MISFA: variants seen among roughly 807,000 people sequenced by gnomAD.
MISFA encodes mitochondrial sheath formation-associated protein.
chr11:18,606,671 A>G, the MISFA span: 6 of 404,598 alleles, frequency 1.5e-5, no homozygotes, highest in Non-Finnish European at 2.8e-5. Context: ...GTAGTCTAAT[A>G]TATTCAATAC....
chr11:18,603,251 C>G, the MISFA span: 1 of 398,902 alleles, frequency 2.5e-6, no homozygotes. Flanking sequence ...ATTCCCGCCC[C>G]CAAAACAAAC....
chr11:18,603,840 G>C, the MISFA span: 1 of 374,948 alleles, frequency 2.7e-6, no homozygotes, highest in Non-Finnish European at 4.7e-6. Flanking sequence ...CTGACCAGCT[G>C]TACAGTTCCT....
At chr11:18,603,075 G>C in the MISFA span, 4 of 398,842 alleles carry the variant, frequency 1.0e-5, no homozygotes, top group African/African-American at 8.2e-5. Flanking sequence ...CCTTCCAGAA[G>C]CACTTGTTTC....
chr11:18,604,564 G>A, the MISFA span, among the ~76,000 whole-genome samples: 1 of 151,986 alleles, frequency 6.6e-6, no homozygotes, highest in African/African-American at 2.4e-5. Flanking sequence ...GGGAGGCAGT[G>A]GTTGCAGTGA....
the MISFA span, chr11:18,608,105 A>C: frequency 6.6e-6 from 1 of 152,654 alleles, no homozygotes; most frequent in Non-Finnish European, 1.5e-5. Context: ...ACTACCCTTA[A>C]TTTCACTGAA....
chr11:18,608,459 C>G, the MISFA span: 3 of 152,172 alleles, frequency 2.0e-5, no homozygotes, highest in Admixed American at 2.0e-4. Flanking sequence ...ACTTCCTAAT[C>G]CCCCCCATAC....
chr11:18,604,035 C>T, the MISFA span: 14 of 266,108 alleles, frequency 5.3e-5, no homozygotes, highest in Non-Finnish European at 6.8e-5. Context: ...CATGCCATTC[C>T]CCTGCCTCAG....
chr11:18,603,674 C>T, the MISFA span: 4 of 398,208 alleles, frequency 1.0e-5, no homozygotes, highest in Non-Finnish European at 1.3e-5. Context: ...TGGAGGTAAC[C>T]TCCCCTGCCA....
the MISFA span, chr11:18,601,341 G>A: frequency 1.8e-4 from 72 of 397,716 alleles, no homozygotes; most frequent in South Asian, 8.7e-3. Flanking sequence ...GCAGGCCAAA[G>A]TTGTCTATTA....
At chr11:18,603,917 CTTTTTTTTT>C in the MISFA span, 20 of 52,992 alleles carry the variant, frequency 3.8e-4, no homozygotes, top group Non-Finnish European at 4.3e-4. Context: ...AGTTACCGCA[CTTTTTTTTT>C]TTTTTTTTTT....
the MISFA span, chr11:18,603,645 G>A: frequency 7.6e-6 from 3 of 397,310 alleles, no homozygotes; most frequent in Non-Finnish European, 1.3e-5. Context: ...GGGATCAGAG[G>A]CATTAGGTGA....
the MISFA span, chr11:18,609,739 G>A: frequency 1.3e-6 from 1 of 757,912 alleles, no homozygotes; most frequent in Non-Finnish European, 2.2e-6. Flanking sequence ...ATGACAGTAT[G>A]CATTCCTTCT....
At chr11:18,607,920 A>T in the MISFA span, 11 of 152,328 alleles carry the variant, frequency 7.2e-5, no homozygotes, top group African/African-American at 2.6e-4. Context: ...GTAAACTTTA[A>T]GCCACCAGAA....
At chr11:18,604,384 G>A in the MISFA span, among the ~76,000 whole-genome samples, 59 of 151,974 alleles carry the variant, frequency 3.9e-4, 2 homozygotes, top group Admixed American at 3.7e-3. Context: ...TGCCTGGCGC[G>A]ATGGCTCACA....
the MISFA span, among the ~76,000 whole-genome samples, chr11:18,605,160 AAC>A: frequency 6.6e-6 from 1 of 151,868 alleles, no homozygotes; most frequent in African/African-American, 2.4e-5. Context: ...GAATTGCTTG[AAC>A]CCGGGAGGTG....
At chr11:18,603,917 CTTTT>C in the MISFA span, 273 of 52,936 alleles carry the variant, frequency 5.2e-3, 1 homozygote, top group African/African-American at 0.018. Flanking sequence ...AGTTACCGCA[CTTTT>C]TTTTTTTTTT....
the MISFA span, chr11:18,602,494 G>A: frequency 1.3e-5 from 2 of 152,590 alleles, no homozygotes; most frequent in African/African-American, 2.4e-5. Context: ...TTCTCCAGCT[G>A]CGAAATGAGT....
chr11:18,601,587 T>A, the MISFA span: 1 of 398,274 alleles, frequency 2.5e-6, no homozygotes, highest in African/African-American at 2.1e-5. Flanking sequence ...TTTTTTTTAT[T>A]TTTTTAGAGA....
the MISFA span, among the ~76,000 whole-genome samples, chr11:18,606,158 C>T: frequency 6.6e-6 from 1 of 152,202 alleles, no homozygotes; most frequent in Non-Finnish European, 1.5e-5. Flanking sequence ...GACCACCTAA[C>T]AGTTCTCCCA....
Sources: allele counts gnomAD v4.1 joint callset (sites outside exome capture counted in the v4.1 genomes callset), GRCh38; gene constraint gnomAD v4.1.1; transcripts MANE v1.5; gene names NCBI Gene and HGNC (gene_info 2026-07-23, HGNC 2026-07-21).